The following PIGF variants were observed in gnomAD, a reference collection of about 807,000 sequenced individuals.
The protein encoded by PIGF is GPI ethanolamine phosphate transferase, stabilizing subunit.
PIGF carries 23 observed loss-of-function variants against 26.0 expected under a neutral mutation model. That is an observed-to-expected ratio of 0.88 (90% CI 0.64 to 1.25). The LOEUF is 1.25. PIGF is among the 50% of genes most tolerant of loss of function. PIGF has a pLI of 0.00. For synonymous variants in PIGF, 93 were observed against 92.6 expected, an observed-to-expected ratio of 1.00 and a Z score of -0.03; for missense variants, 278 against 249.9, an observed-to-expected ratio of 1.11 and a Z score of -0.76.
At chr2:46,598,528 G>GTTTTTTTTTTTTTT (rs1558704671) in intron 4 of PIGF, among the ~76,000 whole-genome samples, 1 of 92,584 alleles carries the variant, frequency 1.1e-5, no homozygotes. Flanking sequence ...AACATTATGA[G>GTTTTTTTTTTTTTT]ATTTTTTTTT....
intron 4 of PIGF, among the ~76,000 whole-genome samples, chr2:46,601,985 G>A (rs62136864): frequency 0.29 from 43,975 of 151,618 alleles, 6,627 homozygotes; most frequent in Admixed American, 0.35. Context: ...TGAACTATAT[G>A]GGTGTATAGT....
intron 4 of PIGF, among the ~76,000 whole-genome samples, chr2:46,594,448 G>C (rs532730638): frequency 1.3e-5 from 2 of 152,216 alleles, no homozygotes; most frequent in Admixed American, 1.3e-4. Context: ...GAAAAGAGCT[G>C]CACTGCAGAC....
At chr2:46,585,393 A>G (rs891568478) in intron 5 of PIGF, among the ~76,000 whole-genome samples, 2 of 152,204 alleles carry the variant, frequency 1.3e-5, no homozygotes, top group Admixed American at 6.5e-5. Context: ...AGTGGGTAAA[A>G]TTATTAAAAT....
At chr2:46,596,860 T>A (rs1333968899) in intron 4 of PIGF, among the ~76,000 whole-genome samples, 1 of 152,216 alleles carries the variant, frequency 6.6e-6, no homozygotes, top group Non-Finnish European at 1.5e-5. Context: ...TACGTTATGA[T>A]GATTATAAAA....
At chr2:46,600,755 TA>T (rs1670030900) in intron 4 of PIGF, among the ~76,000 whole-genome samples, 1 of 152,124 alleles carries the variant, frequency 6.6e-6, no homozygotes, top group Non-Finnish European at 1.5e-5. Context: ...CAAACCAATA[TA>T]AGCTGAAGTT....
At chr2:46,597,156 C>T (rs1232266253) in intron 4 of PIGF, among the ~76,000 whole-genome samples, 1 of 152,156 alleles carries the variant, frequency 6.6e-6, no homozygotes, top group Non-Finnish European at 1.5e-5. Flanking sequence ...TGTGAATTCC[C>T]TTTGCCTCTC....
At chr2:46,591,686 A>G (rs1052006368) in intron 5 of PIGF, 29 of 1,059,602 alleles carry the variant, frequency 2.7e-5, no homozygotes, top group Non-Finnish European at 3.2e-5. Context: ...CTACAAAGTC[A>G]TTAATATTAA....
chr2:46,594,766 C>A (rs1669829295), intron 4 of PIGF, among the ~76,000 whole-genome samples: 1 of 150,270 alleles, frequency 6.7e-6, no homozygotes, highest in South Asian at 2.1e-4. Context: ...GAACTCCTGA[C>A]CTTGTGATCC....
At chr2:46,610,526 CTTTTTT>C (rs10690699) in intron 4 of PIGF, among the ~76,000 whole-genome samples, 2 of 110,312 alleles carry the variant, frequency 1.8e-5, no homozygotes, top group African/African-American at 3.6e-5. Flanking sequence ...GTACTGATTC[CTTTTTT>C]TTTTTTTTTT....
intron 5 of PIGF, among the ~76,000 whole-genome samples, chr2:46,586,587 G>A (rs1303807523): frequency 1.3e-5 from 2 of 152,046 alleles, no homozygotes; most frequent in East Asian, 3.9e-4. Context: ...GAGATAAAAA[G>A]GAAGATAAAA....
chr2:46,601,331 CA>C (rs1471041373), intron 4 of PIGF, among the ~76,000 whole-genome samples: 1 of 152,030 alleles, frequency 6.6e-6, no homozygotes, highest in Non-Finnish European at 1.5e-5. Flanking sequence ...ACTATTTGTC[CA>C]AATTATTTGA....
At chr2:46,606,948 T>C (rs894064185) in intron 4 of PIGF, among the ~76,000 whole-genome samples, 8 of 152,176 alleles carry the variant, frequency 5.3e-5, no homozygotes, top group African/African-American at 1.9e-4. Context: ...TACTGAAGCA[T>C]GCTACAACAT....
At chr2:46,584,091 C>A (rs1669490949) in intron 5 of PIGF, among the ~76,000 whole-genome samples, 1 of 152,060 alleles carries the variant, frequency 6.6e-6, no homozygotes, top group South Asian at 2.1e-4. Flanking sequence ...GACACTGTTT[C>A]CATTTGATTT....
chr2:46,584,912 A>C (rs1274986032), intron 5 of PIGF, among the ~76,000 whole-genome samples: 3 of 152,180 alleles, frequency 2.0e-5, no homozygotes. Flanking sequence ...TTTTCTTATA[A>C]TTATTCTAAA....
intron 1 of PIGF, 110 bp from the exon 2 acceptor site, chr2:46,615,295 T>G: frequency 1.7e-6 from 1 of 593,730 alleles, no homozygotes; most frequent in South Asian, 2.0e-5. Flanking sequence ...ATGAGCAATG[T>G]ATTTGTTTCA....
chr2:46,598,100 A>C (rs1358826841), intron 4 of PIGF, among the ~76,000 whole-genome samples: 2 of 151,588 alleles, frequency 1.3e-5, no homozygotes, highest in Non-Finnish European at 2.9e-5. Context: ...TTTTTGTTTG[A>C]CTAGGGAATC....
intron 4 of PIGF, among the ~76,000 whole-genome samples, chr2:46,593,063 G>A (rs1303025516): frequency 6.6e-6 from 1 of 150,454 alleles, no homozygotes; most frequent in African/African-American, 2.4e-5. Context: ...AGTTTTGCTT[G>A]TTTTTCCTTG....
At chr2:46,583,508 T>C (rs866279814) in intron 5 of PIGF, among the ~76,000 whole-genome samples, 1 of 152,144 alleles carries the variant, frequency 6.6e-6, no homozygotes, top group Non-Finnish European at 1.5e-5. Context: ...GTGCCTTAGG[T>C]ACTCTACTGA....
chr2:46,594,490 C>T (rs993704476), intron 4 of PIGF, among the ~76,000 whole-genome samples: 2 of 150,948 alleles, frequency 1.3e-5, no homozygotes, highest in African/African-American at 4.9e-5. Context: ...CTAGAGGCCA[C>T]GTGGAAGAAC....
Sources: gnomAD v4.1 joint callset for allele counts (sites outside exome capture counted in the v4.1 genomes callset) on GRCh38, gnomAD v4.1.1 for gene constraint, MANE v1.5 for transcripts, NCBI Gene and HGNC (gene_info 2026-07-23, HGNC 2026-07-21) for gene names.